C3orf33: variants seen among roughly 807,000 people sequenced by gnomAD.
C3orf33 encodes mitochondrial inner membrane subdomain organizer 1.
C3orf33 carries 23 observed loss-of-function variants against 28.7 expected under a neutral mutation model. The observed-to-expected ratio is 0.80, with a 90% confidence interval of 0.58 to 1.13. The LOEUF (loss-of-function observed/expected upper bound fraction) is 1.13, where lower values mean the gene tolerates loss of function less well. C3orf33 is among the 50% of genes most tolerant of loss of function. C3orf33 has a pLI of 0.00. For synonymous variants in C3orf33, 119 were observed against 120.5 expected, an observed-to-expected ratio of 0.99 and a Z score of 0.08; for missense variants, 327 against 353.4, an observed-to-expected ratio of 0.93 and a Z score of 0.60.
intron 2 of C3orf33, among the ~76,000 whole-genome samples, chr3:155,802,068 G>C (rs1751666495): frequency 6.6e-6 from 1 of 151,972 alleles, no homozygotes; most frequent in South Asian, 2.1e-4. Flanking sequence ...TTGTTTAATG[G>C]GCATAGAAAA....
At chr3:155,766,132 G>T (rs116746304) in intron 4 of C3orf33, among the ~76,000 whole-genome samples, 1 of 152,110 alleles carries the variant, frequency 6.6e-6, no homozygotes, top group Non-Finnish European at 1.5e-5. Flanking sequence ...AGGCTGAAGC[G>T]TTCCTCCCAC....
chr3:155,804,774 C>A (rs915543720), intron 1 of C3orf33, among the ~76,000 whole-genome samples: 5 of 152,140 alleles, frequency 3.3e-5, no homozygotes, highest in African/African-American at 1.2e-4. Flanking sequence ...TTCAAGCCCA[C>A]GGCTTTAAAT....
At position 155,763,386 on chromosome 3, in the gene C3orf33, T is replaced by C. The variant is rs1216769389; in HGVS notation, c.*131A>G. On this transcript the variant is annotated 3_prime_UTR_variant, in exon 5 of 5. Coordinates refer to ENST00000340171, the MANE Select transcript of C3orf33 (RefSeq NM_001308229.2). ...TATGCTTATAATAATCATCTCTTTT[T>C]AATATTTAAATACCATTGGACTAAC... The C allele has an allele frequency of 1.5e-5, 8 of 533,738 alleles. No homozygotes were observed. Among genetic ancestry groups the C allele is most frequent in the Non-Finnish European group, 2.4e-5 (8 of 331,452 alleles). The allele number at this position is 533,738 out of a possible 1,614,324, so 33.1% of individuals were successfully genotyped here.
chr3:155,792,718 AC>A, intron 2 of C3orf33, among the ~76,000 whole-genome samples: 1 of 152,226 alleles, frequency 6.6e-6, no homozygotes, highest in East Asian at 1.9e-4. Flanking sequence ...GAGTCTCTAA[AC>A]AGCAGAACTG....
At chr3:155,765,459 T>C (rs1417707206) in intron 4 of C3orf33, among the ~76,000 whole-genome samples, 1 of 152,240 alleles carries the variant, frequency 6.6e-6, no homozygotes, top group East Asian at 1.9e-4. Flanking sequence ...GTAATTATAC[T>C]CTTTAACTTA....
chr3:155,776,127 T>C lies in C3orf33; in HGVS notation c.175-279A>G, dbSNP rs1019999619. 8.5e-5 allele frequency among the ~76,000 whole-genome samples: 13 copies of C among 152,164 alleles called. No homozygotes were observed. The South Asian group carries it at 2.7e-3, about 32-fold the overall frequency. ...TAACCTCAAAATATGACACAATTCA[T>C]CAAAAGACATTGAGTATCTATCTAT... On this transcript the variant is annotated intron_variant, in intron 2 of 4. Coordinates refer to ENST00000340171, the MANE Select transcript of C3orf33 (RefSeq NM_001308229.2).
At position 155,775,809 on chromosome 3, in the gene C3orf33, A is replaced by T; in HGVS notation, c.214T>A (p.Phe72Ile). The T allele has an allele frequency of 1.3e-6, 2 of 1,597,552 alleles. No individual in the cohort carries two copies. Among genetic ancestry groups the T allele is most frequent in the South Asian group, 1.1e-5 (1 of 89,670 alleles). Residue 72 changes from phenylalanine to isoleucine, a missense_variant, in exon 3 of 5, where the codon TTT becomes ATT. By Grantham distance (21) the Phe-to-Ile change is conservative. Transcript: ENST00000340171. ...FTSSSDIPVE[F>I]IRRNVKLRGR... is the part of the protein sequence containing the mutation. ...CGTAGTTTAACATTTCTTCTTATAAATTCTACTGGAATATCCGAAGAGCTT... is the reference window on the plus strand; with the variant it reads ...CGTAGTTTAACATTTCTTCTTATAATTTCTACTGGAATATCCGAAGAGCTT...
chr3:155,766,408 A>G (rs1265231228), intron 4 of C3orf33, among the ~76,000 whole-genome samples: 2 of 152,354 alleles, frequency 1.3e-5, no homozygotes, highest in East Asian at 3.8e-4. Flanking sequence ...TAGATGACTC[A>G]TCACTGATCA....
intron 2 of C3orf33, among the ~76,000 whole-genome samples, chr3:155,780,461 A>G (rs1454832888): frequency 6.6e-6 from 1 of 152,268 alleles, no homozygotes; most frequent in Non-Finnish European, 1.5e-5. Flanking sequence ...AAAGATTATT[A>G]TAAGCATTAA....
intron 2 of C3orf33, among the ~76,000 whole-genome samples, chr3:155,787,686 T>TG (rs1222457793): frequency 6.6e-6 from 1 of 151,532 alleles, no homozygotes; most frequent in East Asian, 2.0e-4. Context: ...CTATTTATTT[T>TG]TTTTTTTTGT....
chr3:155,766,828 T>C (rs1406511409), intron 4 of C3orf33, among the ~76,000 whole-genome samples: 1 of 152,086 alleles, frequency 6.6e-6, no homozygotes, highest in Non-Finnish European at 1.5e-5. Flanking sequence ...TGTGCACCTG[T>C]AGTCCCAGCT....
intron 2 of C3orf33, among the ~76,000 whole-genome samples, chr3:155,789,691 A>G (rs1330129349): frequency 1.3e-5 from 2 of 152,218 alleles, no homozygotes; most frequent in African/African-American, 4.8e-5. Flanking sequence ...ACAAAATTAG[A>G]AGACTCACAC....
intron 2 of C3orf33, among the ~76,000 whole-genome samples, chr3:155,793,935 T>C (rs1254142896): frequency 2.6e-5 from 4 of 151,842 alleles, no homozygotes; most frequent in Non-Finnish European, 5.9e-5. Context: ...TAGAGTTTTT[T>C]TATTAATTTT....
chr3:155,781,491 T>G (rs957314598), intron 2 of C3orf33, among the ~76,000 whole-genome samples: 1 of 152,014 alleles, frequency 6.6e-6, no homozygotes, highest in Non-Finnish European at 1.5e-5. Context: ...GGGCCAGGGC[T>G]GGGCGCAGTG....
chr3:155,782,508 C>T (rs187968791), intron 2 of C3orf33, among the ~76,000 whole-genome samples: 15 of 152,218 alleles, frequency 9.9e-5, no homozygotes, highest in African/African-American at 3.6e-4. Context: ...AAGAAAGAAG[C>T]AATTTGTCAC....
chr3:155,774,982 C>T (rs961091221), intron 3 of C3orf33, among the ~76,000 whole-genome samples: 1 of 152,142 alleles, frequency 6.6e-6, no homozygotes, highest in African/African-American at 2.4e-5. Context: ...ATCCCCAAGA[C>T]CACCCAGAAT....
At chr3:155,781,926 A>T (rs1750936723) in intron 2 of C3orf33, among the ~76,000 whole-genome samples, 1 of 150,916 alleles carries the variant, frequency 6.6e-6, no homozygotes, top group Admixed American at 6.6e-5. Context: ...AATACAAAAA[A>T]TTAGCCGGGT....
chr3:155,796,981 A>T (rs1751492119), intron 2 of C3orf33, among the ~76,000 whole-genome samples: 1 of 152,196 alleles, frequency 6.6e-6, no homozygotes, highest in Admixed American at 6.5e-5. Flanking sequence ...ACCTGAAGTC[A>T]GGAGTTCGAG....
chr3:155,780,728 C>T (rs1750892207), intron 2 of C3orf33, among the ~76,000 whole-genome samples: 1 of 152,076 alleles, frequency 6.6e-6, no homozygotes, highest in Non-Finnish European at 1.5e-5. Context: ...ACTCTCCCTG[C>T]ATCCTTTCCA....
Sources: allele counts gnomAD v4.1 joint callset (sites outside exome capture counted in the v4.1 genomes callset), GRCh38; gene constraint gnomAD v4.1.1; transcripts MANE v1.5; gene names NCBI Gene and HGNC (gene_info 2026-07-23, HGNC 2026-07-21).